MAG: variants seen among roughly 807,000 people sequenced by gnomAD.
MAG encodes the protein myelin associated glycoprotein, also known as myelin-associated glycoprotein.
In MAG, 30 loss-of-function variants were observed where a neutral mutation model predicts 60.7. That is an observed-to-expected ratio of 0.49 (90% CI 0.37 to 0.67). MAG has a LOEUF of 0.67. Among genes scored for constraint, MAG ranks in the 30% least tolerant of loss-of-function variants. MAG has a pLI of 0.00. For synonymous variants in MAG, 384 were observed against 376.8 expected (o/e 1.02, Z -0.22); for missense variants, 795 against 851.7 (o/e 0.93, Z 0.83).
chr19:35,311,357 G>T (rs1005877391), intron 9 of MAG, among the ~76,000 whole-genome samples: 1 of 152,038 alleles, frequency 6.6e-6, no homozygotes, highest in African/African-American at 2.4e-5. Flanking sequence ...CCAGCTACTC[G>T]GGAGGCTGAG....
At chr19:35,312,087 G>A in intron 10 of MAG, 70 bp downstream of exon 10, 1 of 1,446,050 alleles carries the variant, frequency 6.9e-7, no homozygotes, top group Admixed American at 1.7e-5. Context: ...GGAAAGGCCT[G>A]TGAGGCCAAG....
intron 9 of MAG, 130 bp from the exon 10 acceptor site, chr19:35,311,788 C>G (rs2066529033): frequency 6.1e-6 from 4 of 653,348 alleles, no homozygotes; most frequent in East Asian, 5.6e-5. Context: ...GCTGGTGGTT[C>G]TGAAAGGGCT....
chr19:35,296,119 A>G, intron 4 of MAG, 138 bp downstream of exon 4: 2 of 1,213,062 alleles, frequency 1.6e-6, no homozygotes, highest in Middle Eastern at 2.3e-4. Context: ...CTGGGGGTGC[A>G]AACCTCAAGG....
intron 4 of MAG, 86 bp from the exon 5 acceptor site, chr19:35,299,468 T>C: frequency 2.5e-6 from 2 of 787,600 alleles, no homozygotes; most frequent in East Asian, 3.1e-5. Context: ...GCAATGGAGG[T>C]GGACAAGGAG....
chr19:35,306,315 A>T (rs1404166084), intron 7 of MAG, among the ~76,000 whole-genome samples: 1 of 150,346 alleles, frequency 6.7e-6, no homozygotes, highest in African/African-American at 2.5e-5. Context: ...TTTCCTTTGG[A>T]CTCCAGGTTA....
intron 4 of MAG, among the ~76,000 whole-genome samples, chr19:35,297,665 A>G (rs2066411343): frequency 6.7e-6 from 1 of 150,348 alleles, no homozygotes; most frequent in African/African-American, 2.5e-5. Flanking sequence ...CACTACACAC[A>G]CCACACACAT....
rs199809270 is a variant in MAG at position 35,294,245 on chromosome 19, G to A, written c.-69G>A. 3.2e-5 allele frequency: 14 copies of A among 435,094 alleles called. 1 individual carries two copies. The highest frequency in any genetic ancestry group is 1.8e-4 in the South Asian group (11 of 61,096). 27.0% of individuals were successfully genotyped at this position (435,094 alleles called of 1,614,324 possible). A position where few individuals can be genotyped will look rare whatever the true frequency, so the allele number is the denominator to read the frequency against. On this transcript the variant is annotated 5_prime_UTR_variant, in exon 2 of 11. Coordinates refer to ENST00000392213, the MANE Select transcript of MAG (RefSeq NM_002361.4). ...TCTTGTTGCATGCAGGTTGTCTGGCGGCTTCAGGTGGACCCAGAAGACGTC... is the reference window on the plus strand; with the variant it reads ...TCTTGTTGCATGCAGGTTGTCTGGCAGCTTCAGGTGGACCCAGAAGACGTC...
At chr19:35,302,121 T>G (rs1015880840) in intron 6 of MAG, among the ~76,000 whole-genome samples, 5 of 152,146 alleles carry the variant, frequency 3.3e-5, no homozygotes, top group African/African-American at 1.2e-4. Flanking sequence ...ACTCAGCAGG[T>G]TCTCAGTGAA....
rs766051630 is a variant in MAG, at chr19:35,313,407, A to G, written c.1834A>G (p.Thr612Ala). Residue 612 changes from threonine (T) to alanine (A), a missense_variant, in exon 11 of 11, where the codon ACG becomes GCG. Coordinates refer to ENST00000392213, the MANE Select transcript of MAG (RefSeq NM_002361.4). ...GAAACGGCCCACCAAGGACAGCTAC[A>G]CGCTGACGGAGGAGCTAGCTGAGTA... ...LGKRPTKDSYTLTEELAEYAE... is the reference protein window; with the variant it reads ...LGKRPTKDSYALTEELAEYAE... 3 of 1,613,948 alleles carry G rather than the reference A, an allele frequency of 1.9e-6. No individual in the cohort carries two copies. The South Asian group carries it at 3.3e-5, about 18-fold the overall frequency.
At chr19:35,305,953 A>AT (rs556979944) in intron 7 of MAG, among the ~76,000 whole-genome samples, 20 of 48,812 alleles carry the variant, frequency 4.1e-4, no homozygotes, top group African/African-American at 3.2e-3. Flanking sequence ...AGACTGTCCC[A>AT]GCCCCCCACT....
At chr19:35,312,523 T>C in intron 10 of MAG, 1 of 339,558 alleles carries the variant, frequency 2.9e-6, no homozygotes, top group Non-Finnish European at 5.8e-6. Flanking sequence ...GTGTCCAAAT[T>C]CCTGTGGCTA....
At position 35,295,774 on chromosome 19, in the gene MAG, C is replaced by T. The variant is rs370462880; in HGVS notation, c.208C>T (p.Pro70Ser). ...CAATAGCCCCTACCCCAAGAACTAC[C>T]CCCCGGTGGTCTTCAAGTCGCGCAC... is the stretch of plus-strand genomic sequence containing the variant. ...YFNSPYPKNY[P>S]PVVFKSRTQV... Residue 70 changes from proline to serine, a missense_variant, in exon 4 of 11, where the codon CCC becomes TCC. Transcript: ENST00000392213. The surrounding 1 kb of genome is among the most constrained non-coding windows in gnomAD (Gnocchi z 5.8). 2.5e-6 allele frequency: 4 copies of T among 1,613,842 alleles called. No homozygotes were observed. In the African/African-American group the frequency reaches 4.0e-5, roughly 16 times the overall value.
chr19:35,313,384 A>C lies in MAG; in HGVS notation c.1811A>C (p.Lys604Thr). Residue 604 changes from lysine to threonine, a missense_variant, in exon 11 of 11, where the codon AAA (lysine) becomes ACA (threonine). Transcript: ENST00000392213. ...AGCTATTCTCACTCGGACCTGGGGA[A>C]ACGGCCCACCAAGGACAGCTACACG... Reference protein sequence around the residue: ...DLSYSHSDLGKRPTKDSYTLT... With the variant: ...DLSYSHSDLGTRPTKDSYTLT... The C allele has an allele frequency of 6.2e-7, 1 of 1,614,108 alleles. No homozygotes were observed. The highest frequency in any genetic ancestry group is 8.5e-7 in the Non-Finnish European group (1 of 1,179,982).
At chr19:35,296,219 C>T (rs538951292) in intron 4 of MAG, among the ~76,000 whole-genome samples, 1 of 152,334 alleles carries the variant, frequency 6.6e-6, no homozygotes, top group Non-Finnish European at 1.5e-5. Flanking sequence ...TGCTGCTACT[C>T]TTTTGGAAAC....
Position 35,299,164 on chromosome 19 carries a change from G to A in MAG, c.416-390G>A, listed in dbSNP as rs980654876. Among the ~76,000 whole-genome samples, 3 of 152,188 alleles carry A rather than the reference G, an allele frequency of 2.0e-5. No individual in the cohort carries two copies. In the South Asian group the frequency reaches 6.2e-4, roughly 32 times the overall value. On this transcript the variant is annotated intron_variant, in intron 4 of 10. Coordinates refer to ENST00000392213, the MANE Select transcript of MAG (RefSeq NM_002361.4). ...AAGTGATGAGGTGTGGGGAGCCCAC[G>A]CTGACGCCAGAGCCACAGGGTTTGT...
chr19:35,300,019 C>T, intron 5 of MAG, 128 bp from the exon 6 acceptor site: 2 of 1,196,384 alleles, frequency 1.7e-6, no homozygotes, highest in Non-Finnish European at 2.1e-6. Flanking sequence ...CGGAACCAGG[C>T]AGTCCTGGGG....
chr19:35,298,786 A>T (rs2145609727), intron 4 of MAG, among the ~76,000 whole-genome samples: 1 of 147,980 alleles, frequency 6.8e-6, no homozygotes, highest in East Asian at 2.0e-4. Context: ...ACACGACCCA[A>T]ACTACACAAC....
rs368816123 is a variant in MAG at position 35,297,373 on chromosome 19, C to T, written c.415+1392C>T. Among the ~76,000 whole-genome samples the T allele has an allele frequency of 5.4e-4, 77 of 142,606 alleles. No homozygotes were observed. The East Asian group carries it at 0.014, about 25-fold the overall frequency. 93.6% of individuals were successfully genotyped at this position (142,606 alleles called of 152,430 possible). On this transcript the variant is annotated intron_variant, in intron 4 of 10. Coordinates refer to ENST00000392213, the MANE Select transcript of MAG (RefSeq NM_002361.4). Reference sequence around the variant, plus strand: ...AAAACCACACACCACACACTGCATACGCTACACACACACTACACACACACC... The same window carrying T: ...AAAACCACACACCACACACTGCATATGCTACACACACACTACACACACACC...
At chr19:35,299,132 G>A (rs891787340) in intron 4 of MAG, among the ~76,000 whole-genome samples, 3 of 152,126 alleles carry the variant, frequency 2.0e-5, no homozygotes, top group African/African-American at 4.8e-5. Context: ...GAGGAGAGCC[G>A]CTTGGGAAGT....
Sources: gnomAD v4.1 joint callset for allele counts (sites outside exome capture counted in the v4.1 genomes callset) on GRCh38, gnomAD v4.1.1 for gene constraint, Gnocchi (gnomAD v3.1) non-coding constraint, MANE v1.5 for transcripts, NCBI Gene and HGNC (gene_info 2026-07-23, HGNC 2026-07-21) for gene names.